HMGCLL1: variants seen among roughly 807,000 people sequenced by gnomAD.
HMGCLL1 encodes 3-hydroxymethyl-3-methylglutaryl-CoA lyase, cytoplasmic.
A neutral mutation model predicts 39.1 loss-of-function variants in HMGCLL1; 36 were observed. The ratio of observed to expected loss-of-function variants is 0.92; its 90% CI spans 0.71 to 1.22. The LOEUF (loss-of-function observed/expected upper bound fraction) is 1.22, where lower values mean the gene tolerates loss of function less well. Ranked by LOEUF, HMGCLL1 falls within the 50% of genes most tolerant of loss-of-function variation. The pLI, the probability that HMGCLL1 is intolerant of heterozygous loss-of-function variation, is 0.00. For missense variants in HMGCLL1, 451 were observed against 416.5 expected (o/e 1.08, Z -0.72); for synonymous variants, 149 against 144.0 (o/e 1.03, Z -0.25).
At chr6:55,576,988 A>C in intron 1 of HMGCLL1, 1 of 1,548,068 alleles carries the variant, frequency 6.5e-7, no homozygotes, top group South Asian at 1.2e-5. Context: ...ACACTGGTAC[A>C]CAAACAGTAA....
At chr6:55,635,878 G>C in the HMGCLL1 span, among the ~76,000 whole-genome samples, 14 of 152,246 alleles carry the variant, frequency 9.2e-5, no homozygotes, top group East Asian at 2.5e-3. Context: ...TTAAAGTTCT[G>C]GGCACTTGGT....
intron 7 of HMGCLL1, among the ~76,000 whole-genome samples, chr6:55,446,012 G>A (rs1028935388): frequency 6.6e-6 from 1 of 151,802 alleles, no homozygotes; most frequent in Non-Finnish European, 1.5e-5. Context: ...AATATATTCA[G>A]CATATTTGTA....
chr6:55,570,576 C>G (rs1386748652), intron 1 of HMGCLL1, among the ~76,000 whole-genome samples: 1 of 152,178 alleles, frequency 6.6e-6, no homozygotes, highest in Non-Finnish European at 1.5e-5. Flanking sequence ...GCCATTAGAA[C>G]TTATTTCACC....
At chr6:55,480,585 G>GT (rs1765689516) in intron 7 of HMGCLL1, among the ~76,000 whole-genome samples, 1 of 151,566 alleles carries the variant, frequency 6.6e-6, no homozygotes, top group Non-Finnish European at 1.5e-5. Context: ...TAGAGGTACC[G>GT]TATCTATTTA....
the HMGCLL1 span, among the ~76,000 whole-genome samples, chr6:55,611,384 T>TA: frequency 4.9e-4 from 75 of 152,032 alleles, no homozygotes; most frequent in African/African-American, 1.6e-3. Flanking sequence ...CTACCAGAGG[T>TA]AAAAAAAGGA....
At chr6:55,584,587 G>A in the HMGCLL1 span, among the ~76,000 whole-genome samples, 12 of 151,980 alleles carry the variant, frequency 7.9e-5, no homozygotes, top group South Asian at 4.2e-4. Context: ...ATCAATCAAC[G>A]CCAAACTAGG....
chr6:55,669,816 G>A, the HMGCLL1 span, among the ~76,000 whole-genome samples: 1 of 151,872 alleles, frequency 6.6e-6, no homozygotes, highest in South Asian at 2.1e-4. Context: ...TTAAAAGGTA[G>A]AAGAAAGATT....
the HMGCLL1 span, among the ~76,000 whole-genome samples, chr6:55,618,480 A>T: frequency 1.2e-3 from 183 of 152,230 alleles, no homozygotes; most frequent in African/African-American, 4.0e-3. Context: ...TAAACATGTC[A>T]GAGAGAACAA....
At chr6:55,665,351 G>A in the HMGCLL1 span, among the ~76,000 whole-genome samples, 14 of 151,732 alleles carry the variant, frequency 9.2e-5, no homozygotes, top group Non-Finnish European at 1.6e-4. Context: ...GGGTGTGGCT[G>A]TAAAGTAGGA....
chr6:55,517,387 C>A (rs1767796023), intron 3 of HMGCLL1, among the ~76,000 whole-genome samples: 1 of 151,842 alleles, frequency 6.6e-6, no homozygotes, highest in South Asian at 2.1e-4. Flanking sequence ...TAACCATGAG[C>A]CTTACATATT....
intron 6 of HMGCLL1, among the ~76,000 whole-genome samples, chr6:55,496,146 T>C (rs920345964): frequency 2.0e-5 from 3 of 152,270 alleles, no homozygotes; most frequent in South Asian, 2.1e-4. Context: ...AAAATAACTA[T>C]ATTAAATTTT....
chr6:55,451,632 T>C (rs9382493), intron 7 of HMGCLL1, among the ~76,000 whole-genome samples: 45,673 of 152,108 alleles, frequency 0.3, 7,204 homozygotes, highest in African/African-American at 0.41. Flanking sequence ...GTGATGTATA[T>C]AGAACTTAGA....
At chr6:55,593,881 G>A in the HMGCLL1 span, among the ~76,000 whole-genome samples, 1 of 152,104 alleles carries the variant, frequency 6.6e-6, no homozygotes, top group Non-Finnish European at 1.5e-5. Context: ...CCACGGAGAG[G>A]TAAATTACTT....
chr6:55,566,420 G>A (rs1771213130), intron 1 of HMGCLL1: 1 of 269,150 alleles, frequency 3.7e-6, no homozygotes, highest in African/African-American at 2.2e-5. Context: ...GAAGTTTTCT[G>A]CCATCTGTAT....
rs143189057 is a variant in HMGCLL1, at chr6:55,494,052, A to G, written c.795+1367T>C. 6.0e-3 allele frequency among the ~76,000 whole-genome samples: 916 copies of G among 152,078 alleles called. 8 individuals carry two copies. The highest frequency in any genetic ancestry group is 0.02 in the African/African-American group (827 of 41,504). ...CGCGCCTGGCCCCTTCTCATTCTTT[A>G]GATATGATTGCAACAATTACTTCTT... is the stretch of plus-strand genomic sequence containing the variant. On this transcript the variant is annotated intron_variant, in intron 7 of 8. Transcript: ENST00000274901.
intron 1 of HMGCLL1, among the ~76,000 whole-genome samples, chr6:55,546,962 A>G (rs1041850127): frequency 1.3e-5 from 2 of 152,032 alleles, no homozygotes; most frequent in Non-Finnish European, 2.9e-5. Context: ...TTCATAGAGT[A>G]ACAATAAAAG....
chr6:55,521,280 G>A (rs1188226553), intron 3 of HMGCLL1, among the ~76,000 whole-genome samples: 1 of 152,078 alleles, frequency 6.6e-6, no homozygotes, highest in Non-Finnish European at 1.5e-5. Context: ...AGAATGCAGT[G>A]ATAAACAATG....
At chr6:55,439,346 C>T (rs1035993929) in intron 8 of HMGCLL1, 88 bp downstream of exon 8, 2 of 1,316,718 alleles carry the variant, frequency 1.5e-6, no homozygotes, top group African/African-American at 2.9e-5. Context: ...AAAACTTTGA[C>T]CTCAAAATTG....
At chr6:55,490,470 ACAAT>A (rs1304872903) in intron 7 of HMGCLL1, among the ~76,000 whole-genome samples, 1 of 152,150 alleles carries the variant, frequency 6.6e-6, no homozygotes, top group Non-Finnish European at 1.5e-5. Flanking sequence ...GAAACACTTG[ACAAT>A]CAATTTTTCT....
Sources: gnomAD v4.1 joint callset for allele counts (sites outside exome capture counted in the v4.1 genomes callset) on GRCh38, gnomAD v4.1.1 for gene constraint, MANE v1.5 for transcripts, NCBI Gene and HGNC (gene_info 2026-07-23, HGNC 2026-07-21) for gene names.